The following ARHGAP20 variants were observed in gnomAD, a reference collection of about 807,000 sequenced individuals.
ARHGAP20 encodes the protein rho GTPase-activating protein 20.
A neutral mutation model predicts 73.7 loss-of-function variants in ARHGAP20; 34 were observed. The ratio of observed to expected loss-of-function variants is 0.46; its 90% CI spans 0.35 to 0.61. ARHGAP20 has a LOEUF of 0.61. Among genes scored for constraint, ARHGAP20 ranks in the 20% least tolerant of loss-of-function variants. ARHGAP20 has a pLI of 0.00. For synonymous variants in ARHGAP20, 523 were observed against 518.2 expected (o/e 1.01, Z -0.13); for missense variants, 1,314 against 1,420.9 (o/e 0.92, Z 1.21).
chr11:110,577,202 T>C lies in ARHGAP20; in HGVS notation c.*2168A>G, dbSNP rs1004442557. 1 of 1,524,380 alleles carries C rather than the reference T, an allele frequency of 6.6e-7. No individual in the cohort carries two copies. The allele number at this position is 1,524,380 out of a possible 1,614,324, so 94.4% of individuals were successfully genotyped here. On this transcript the variant is annotated 3_prime_UTR_variant, in exon 15 of 15. Coordinates refer to ENST00000683387, the MANE Select transcript of ARHGAP20 (RefSeq NM_001384657.1). ...ATTACATAACATATGGTAGTAAAATTTGTCAAGATATATTATACAAACTCA... is the reference window on the plus strand; with the variant it reads ...ATTACATAACATATGGTAGTAAAATCTGTCAAGATATATTATACAAACTCA...
At chr11:110,711,969 C>G in intron 1 of ARHGAP20, 158 bp downstream of exon 1, 1 of 1,253,056 alleles carries the variant, frequency 8.0e-7, no homozygotes, top group Non-Finnish European at 1.0e-6. Context: ...CCGTCAAGGG[C>G]GGGAAGTGTT....
chr11:110,650,146 T>C (rs75226457), intron 2 of ARHGAP20, among the ~76,000 whole-genome samples: 3,241 of 152,252 alleles, frequency 0.021, 106 homozygotes, highest in African/African-American at 0.071. Flanking sequence ...TTGTGTTTTC[T>C]ACTTATTTTA....
chr11:110,631,600 C>A (rs948866769), intron 2 of ARHGAP20, among the ~76,000 whole-genome samples: 1 of 152,162 alleles, frequency 6.6e-6, no homozygotes, highest in Non-Finnish European at 1.5e-5. Context: ...ATGAGACCCC[C>A]AAGTTGCTCA....
At chr11:110,668,663 GAA>G (rs1949769915) in intron 2 of ARHGAP20, among the ~76,000 whole-genome samples, 1 of 150,502 alleles carries the variant, frequency 6.6e-6, no homozygotes, top group African/African-American at 2.5e-5. Context: ...AAAATAAAAA[GAA>G]AAAAGAAAAG....
At chr11:110,611,559 C>T (rs1948367571) in intron 6 of ARHGAP20, among the ~76,000 whole-genome samples, 173 bp from the exon 7 acceptor site, 1 of 151,916 alleles carries the variant, frequency 6.6e-6, no homozygotes, top group Non-Finnish European at 1.5e-5. Context: ...GCTTTCATTC[C>T]CTTATAAATT....
chr11:110,589,894 G>T (rs555727701), intron 11 of ARHGAP20, among the ~76,000 whole-genome samples: 97 of 152,328 alleles, frequency 6.4e-4, no homozygotes, highest in Non-Finnish European at 1.2e-3. Flanking sequence ...GCTGACGCAG[G>T]TGGATCACCT....
chr11:110,578,661 C>T lies in ARHGAP20; in HGVS notation c.*709G>A. The T allele has an allele frequency of 1.0e-6, 1 of 985,398 alleles. No individual in the cohort carries two copies. Among genetic ancestry groups the T allele is most frequent in the Non-Finnish European group, 1.2e-6 (1 of 829,932 alleles). The allele number at this position is 985,398 out of a possible 1,614,324, so 61.0% of individuals were successfully genotyped here. A position where few individuals can be genotyped will look rare whatever the true frequency, so the allele number is the denominator to read the frequency against. On this transcript the variant is annotated 3_prime_UTR_variant, in exon 15 of 15. Coordinates refer to ENST00000683387, the MANE Select transcript of ARHGAP20 (RefSeq NM_001384657.1). ...TTCTTTCTCCTCACAACTCTGTTTC[C>T]TGAAGCCTTGCAAAGCACTTCAACA...
Position 110,578,003 on chromosome 11 carries a change from GA to G in ARHGAP20, c.*1366del. ...TAAAGAGTTTAAATAAATGGGCTCA[GA>G]GCAACTTCTTATAGGTTAGTAGTTA... On this transcript the variant is annotated 3_prime_UTR_variant, in exon 15 of 15. Coordinates refer to ENST00000683387, the MANE Select transcript of ARHGAP20 (RefSeq NM_001384657.1). 1.0e-6 allele frequency: 1 copy of G among 985,376 alleles called. No individual in the cohort carries two copies. The highest frequency in any genetic ancestry group is 1.2e-6 in the Non-Finnish European group (1 of 829,896). The allele number at this position is 985,376 out of a possible 1,614,324, so 61.0% of individuals were successfully genotyped here.
In ARHGAP20 at chr11:110,606,566, A is replaced by C; in HGVS notation, c.959T>G (p.Leu320Arg). 1 of 1,608,190 alleles carries C rather than the reference A, an allele frequency of 6.2e-7. No homozygotes were observed. The highest frequency in any genetic ancestry group is 8.5e-7 in the Non-Finnish European group (1 of 1,178,228). ...KPSRLAAAQQ[L>R]SDSGHKTFKR... ...TTTTGCTAGAAGCAACTCACCACTC[A>C]GTTGCTGGGCTGCAGCCAGGCGGCT... Residue 320 changes from leucine to arginine, a missense_variant, in exon 9 of 15, where the codon CTG (leucine) becomes CGG (arginine). This residue lies in a region of ARHGAP20 where 443 missense variants were observed against 466.4 expected (regional missense o/e 0.95). Transcript: ENST00000683387.
At chr11:110,704,707 G>C (rs1466488636) in intron 1 of ARHGAP20, among the ~76,000 whole-genome samples, 1 of 152,140 alleles carries the variant, frequency 6.6e-6, no homozygotes, top group Non-Finnish European at 1.5e-5. Flanking sequence ...ATCCGAGTTT[G>C]TTTCAGAAAA....
At chr11:110,682,710 T>C (rs778699669) in intron 2 of ARHGAP20, among the ~76,000 whole-genome samples, 2 of 152,136 alleles carry the variant, frequency 1.3e-5, no homozygotes, top group Non-Finnish European at 2.9e-5. Context: ...GTCTTAAAAA[T>C]TATATATCTA....
At chr11:110,589,873 C>T (rs548708221) in intron 11 of ARHGAP20, among the ~76,000 whole-genome samples, 1 of 152,326 alleles carries the variant, frequency 6.6e-6, no homozygotes, top group South Asian at 2.1e-4. Flanking sequence ...ATTATCCCAG[C>T]TCTCTGGGAG....
In ARHGAP20 at chr11:110,700,831, T is replaced by C. The variant is rs1950433851; in HGVS notation, c.106-10202A>G. ...TTCAATTCCCACCTAAGAGTGAGAA[T>C]ATGCGGTGTTTGGTTTTTTGTTCTT... On this transcript the variant is annotated intron_variant, in intron 1 of 14. Coordinates refer to ENST00000683387, the MANE Select transcript of ARHGAP20 (RefSeq NM_001384657.1). 2.0e-5 allele frequency among the ~76,000 whole-genome samples: 3 copies of C among 148,482 alleles called. No individual in the cohort carries two copies. In the Admixed American group the frequency reaches 2.1e-4, roughly 10 times the overall value.
chr11:110,618,161 G>GAAAAAAAATGTCAGCATAGA (rs113478342), intron 4 of ARHGAP20, among the ~76,000 whole-genome samples: 1 of 151,924 alleles, frequency 6.6e-6, no homozygotes, highest in South Asian at 2.1e-4. Context: ...TCTGGGCATA[G>GAAAAAAAATGTCAGCATAGA]AAAAAAATGT....
chr11:110,703,591 C>T (rs1950498962), intron 1 of ARHGAP20, among the ~76,000 whole-genome samples: 1 of 151,732 alleles, frequency 6.6e-6, no homozygotes, highest in Admixed American at 6.6e-5. Flanking sequence ...ATGTAACAGA[C>T]AGTAAACTTT....
chr11:110,649,658 G>A (rs1949306301), intron 2 of ARHGAP20, among the ~76,000 whole-genome samples: 1 of 151,930 alleles, frequency 6.6e-6, no homozygotes, highest in Non-Finnish European at 1.5e-5. Flanking sequence ...CTTTCAGAGA[G>A]TTACATTTTA....
intron 1 of ARHGAP20, among the ~76,000 whole-genome samples, chr11:110,694,214 TGAG>T (rs965093118): frequency 7.9e-5 from 12 of 151,680 alleles, no homozygotes; most frequent in Middle Eastern, 3.4e-3. Flanking sequence ...TGGGAAAAAA[TGAG>T]GAGGAGAATG....
intron 9 of ARHGAP20, among the ~76,000 whole-genome samples, chr11:110,604,260 A>G (rs1357848301): frequency 6.6e-6 from 1 of 152,246 alleles, no homozygotes; most frequent in South Asian, 2.1e-4. Flanking sequence ...GTTCACCTGT[A>G]ATTTTTTACA....
At position 110,639,910 on chromosome 11, in the gene ARHGAP20, T is replaced by C. The variant is rs551807768; in HGVS notation, c.189-9118A>G. The stretch of plus-strand genomic sequence containing the variant: ...CTAAGAATTCATGTACATACTGTTT[T>C]TGAATATCTGTTTCCAATTCTTTTG... On this transcript the variant is annotated intron_variant, in intron 2 of 14. Coordinates refer to ENST00000683387, the MANE Select transcript of ARHGAP20 (RefSeq NM_001384657.1). Among the ~76,000 whole-genome samples the C allele has an allele frequency of 4.6e-5, 7 of 152,178 alleles. No homozygotes were observed. The South Asian group carries it at 1.2e-3, about 27-fold the overall frequency.
Sources: allele counts gnomAD v4.1 joint callset (sites outside exome capture counted in the v4.1 genomes callset), GRCh38; gene constraint gnomAD v4.1.1; regional missense constraint gnomAD v4.1.1; transcripts MANE v1.5; gene names NCBI Gene and HGNC (gene_info 2026-07-23, HGNC 2026-07-21).